PCDHGB5: variants seen among roughly 807,000 people sequenced by gnomAD.
PCDHGB5 encodes protocadherin gamma-B5.
Under a neutral mutation model 62.9 loss-of-function variants are expected in PCDHGB5, and 48 were observed. The observed-to-expected ratio is 0.76, with a 90% CI of 0.61 to 0.97. The LOEUF (loss-of-function observed/expected upper bound fraction) is 0.97. Ranked by LOEUF, PCDHGB5 falls within the 50% of genes least tolerant of loss-of-function variation. PCDHGB5 has a pLI of 0.00. For synonymous variants in PCDHGB5, 474 were observed against 511.2 expected, an observed-to-expected ratio of 0.93 and a Z score of 0.98; for missense variants, 1,118 against 1,198.6, an observed-to-expected ratio of 0.93 and a Z score of 0.99.
intron 1 of PCDHGB5, chr5:141,408,296 C>T (rs2154539952): frequency 1.2e-6 from 2 of 1,613,550 alleles, no homozygotes; most frequent in Non-Finnish European, 1.7e-6. Flanking sequence ...CCTGAGTGAG[C>T]CGATCCGCTA....
chr5:141,486,940 A>T lies in PCDHGB5; in HGVS notation c.2398-7867A>T. ...CTCCATCAGTTGGTGCTGGCCACCTAATCACAAAGGTGACTGCTGTGGACT... is the reference window on the plus strand; with the variant it reads ...CTCCATCAGTTGGTGCTGGCCACCTTATCACAAAGGTGACTGCTGTGGACT... On this transcript the variant is annotated intron_variant, in intron 1 of 3. Coordinates refer to ENST00000617380, the MANE Select transcript of PCDHGB5 (RefSeq NM_018925.3). This position sits in a 1 kb window ranked among gnomAD's most constrained non-coding sequence, Gnocchi z 5.0. 6.2e-7 allele frequency: 1 copy of T among 1,614,188 alleles called. No homozygotes were observed. Among genetic ancestry groups the T allele is most frequent in the Non-Finnish European group, 8.5e-7 (1 of 1,180,032 alleles).
Position 141,476,263 on chromosome 5 carries a change from C to G in PCDHGB5, c.2398-18544C>G. 13 of 1,613,940 alleles carry G rather than the reference C, an allele frequency of 8.1e-6. No individual in the cohort carries two copies. Among genetic ancestry groups the G allele is most frequent in the Non-Finnish European group, 1.1e-5 (13 of 1,180,010 alleles). On this transcript the variant is annotated intron_variant, in intron 1 of 3. Transcript: ENST00000617380. This position sits in a 1 kb window ranked among gnomAD's most constrained non-coding sequence, Gnocchi z 7.6. ...GAGAGAAGGGTTTCGCTGTGGGCAA[C>G]GTGGTCGCGAACCTTGGTTTGGATC...
chr5:141,441,692 G>A (rs1165171238), intron 1 of PCDHGB5: 2 of 301,376 alleles, frequency 6.6e-6, no homozygotes, highest in Non-Finnish European at 1.3e-5. Context: ...AAGAGCAGCC[G>A]CGAGCCTTCA....
At chr5:141,507,797 C>T (rs933921827) in intron 3 of PCDHGB5, among the ~76,000 whole-genome samples, 3 of 152,240 alleles carry the variant, frequency 2.0e-5, no homozygotes, top group Non-Finnish European at 2.9e-5. Flanking sequence ...TCTAAGCCTG[C>T]GCCCTGGGGA....
In PCDHGB5 at chr5:141,476,853, A is replaced by G; in HGVS notation, c.2398-17954A>G. ...AATGACAATGCGCCTGTCTTCAACCAGTCCTTGTACCGGGCGCGCGTCCTG... is the reference window on the plus strand; with the variant it reads ...AATGACAATGCGCCTGTCTTCAACCGGTCCTTGTACCGGGCGCGCGTCCTG... On this transcript the variant is annotated intron_variant, in intron 1 of 3. Coordinates refer to ENST00000617380, the MANE Select transcript of PCDHGB5 (RefSeq NM_018925.3). This position sits in a 1 kb window ranked among gnomAD's most constrained non-coding sequence, Gnocchi z 7.6. The G allele has an allele frequency of 6.2e-7, 1 of 1,613,870 alleles. No individual in the cohort carries two copies. Among genetic ancestry groups the G allele is most frequent in the Non-Finnish European group, 8.5e-7 (1 of 1,180,042 alleles).
intron 1 of PCDHGB5, among the ~76,000 whole-genome samples, chr5:141,443,780 A>G (rs1337883957): frequency 6.6e-6 from 1 of 152,202 alleles, no homozygotes; most frequent in Non-Finnish European, 1.5e-5. Flanking sequence ...TACCAAAAAG[A>G]CAAAAAAAAT....
intron 1 of PCDHGB5, chr5:141,423,023 C>G (rs1410040994): frequency 6.2e-7 from 1 of 1,614,222 alleles, no homozygotes; most frequent in Non-Finnish European, 8.5e-7. Context: ...GACAAAGATT[C>G]AGGCCAGAAC....
chr5:141,505,523 G>A, intron 3 of PCDHGB5, 42 bp downstream of exon 3: 1 of 1,612,760 alleles, frequency 6.2e-7, no homozygotes, highest in Middle Eastern at 1.7e-4. Flanking sequence ...GGGAGACCTG[G>A]GGTTCTGGGG....
In PCDHGB5 at chr5:141,511,131, C is replaced by T; in HGVS notation, c.2730C>T (p.Gly910=). ...GGGATGGCAAGGCCCCAGCAGGTGG[C>T]AATGGCAACAAGAAGAAGTCGGGCA... is the stretch of plus-strand genomic sequence containing the variant. ...GKRDGKAPAG[G]NGNKKKSGKK... is the part of the protein sequence containing the mutation. The change falls in exon 4 of 4, where the codon GGC becomes GGT. Residue 910 remains glycine (G), a synonymous_variant. Coordinates refer to ENST00000617380, the MANE Select transcript of PCDHGB5 (RefSeq NM_018925.3). 2 of 1,614,202 alleles carry T rather than the reference C, an allele frequency of 1.2e-6. No homozygotes were observed. Among genetic ancestry groups the T allele is most frequent in the Non-Finnish European group, 1.7e-6 (2 of 1,180,020 alleles).
chr5:141,432,117 C>T lies in PCDHGB5; in HGVS notation c.2397+31593C>T, dbSNP rs761106133. The T allele has an allele frequency of 3.9e-5, 63 of 1,614,062 alleles. No individual in the cohort carries two copies. Among genetic ancestry groups the T allele is most frequent in the Non-Finnish European group, 4.2e-5 (50 of 1,180,048 alleles). On this transcript the variant is annotated intron_variant, in intron 1 of 3. Transcript: ENST00000617380. The surrounding 1 kb of genome is among the most constrained non-coding windows in gnomAD (Gnocchi z 6.0). ...ACCAACGACAACCCGCCGGTCTTCC[C>T]TCAGGCCTCCTATTCCGCTTATATC...
Position 141,490,070 on chromosome 5 carries a change from T to C in PCDHGB5, c.2398-4737T>C, listed in dbSNP as rs2099695766. ...CCAGACGAGGGCACCAACGGCCAAC[T>C]AGACTATTCTTTTGGAGACCACACA... On this transcript the variant is annotated intron_variant, in intron 1 of 3. Transcript: ENST00000617380. The surrounding 1 kb of genome is among the most constrained non-coding windows in gnomAD (Gnocchi z 5.4). The C allele has an allele frequency of 6.2e-7, 1 of 1,614,198 alleles. No individual in the cohort carries two copies.
intron 1 of PCDHGB5, among the ~76,000 whole-genome samples, chr5:141,474,280 C>A (rs1490512371): frequency 6.6e-6 from 1 of 152,136 alleles, no homozygotes; most frequent in African/African-American, 2.4e-5. Context: ...CTCTGAATAA[C>A]CCACTAGATC....
At chr5:141,405,448 CT>C in intron 1 of PCDHGB5, 1 of 1,314,740 alleles carries the variant, frequency 7.6e-7, no homozygotes, top group Non-Finnish European at 1.1e-6. Flanking sequence ...GAGACAGAGT[CT>C]TACTCTGTTA....
chr5:141,409,945 T>C (rs777813706), intron 1 of PCDHGB5: 11 of 1,613,312 alleles, frequency 6.8e-6, no homozygotes, highest in Non-Finnish European at 9.3e-6. Flanking sequence ...TACCTCGCTC[T>C]GCAGAGCCCG....
At chr5:141,471,021 A>C (rs1399168691) in intron 1 of PCDHGB5, among the ~76,000 whole-genome samples, 1 of 136,940 alleles carries the variant, frequency 7.3e-6, no homozygotes, top group African/African-American at 2.7e-5. Flanking sequence ...CTGGTCAATC[A>C]TTTTTATTAA....
chr5:141,507,075 C>T (rs1006779614), intron 3 of PCDHGB5: 25 of 152,176 alleles, frequency 1.6e-4, no homozygotes, highest in Admixed American at 1.1e-3. Context: ...CCTGGCTCAA[C>T]TCCTAAGTTT....
chr5:141,432,049 G>T lies in PCDHGB5; in HGVS notation c.2397+31525G>T. The T allele has an allele frequency of 7.4e-6, 12 of 1,614,150 alleles. No individual in the cohort carries two copies. Among genetic ancestry groups the T allele is most frequent in the Non-Finnish European group, 1.0e-5 (12 of 1,180,028 alleles). Reference sequence around the variant, plus strand: ...TGACCGCCACTGACCGGGGAACCCCGCCCCTATCCACGGAAACTCATATCT... The same window carrying T: ...TGACCGCCACTGACCGGGGAACCCCTCCCCTATCCACGGAAACTCATATCT... On this transcript the variant is annotated intron_variant, in intron 1 of 3. Coordinates refer to ENST00000617380, the MANE Select transcript of PCDHGB5 (RefSeq NM_018925.3). The surrounding 1 kb of genome is among the most constrained non-coding windows in gnomAD (Gnocchi z 6.0).
In PCDHGB5 at chr5:141,489,362, C is replaced by T. The variant is rs1562129544; in HGVS notation, c.2398-5445C>T. 8 of 1,613,052 alleles carry T rather than the reference C, an allele frequency of 5.0e-6. No individual in the cohort carries two copies. Among genetic ancestry groups the T allele is most frequent in the South Asian group, 2.2e-5 (2 of 90,970 alleles). On this transcript the variant is annotated intron_variant, in intron 1 of 3. Coordinates refer to ENST00000617380, the MANE Select transcript of PCDHGB5 (RefSeq NM_018925.3). The surrounding 1 kb of genome is among the most constrained non-coding windows in gnomAD (Gnocchi z 4.5). ...TACTCAGTGGTGGAGGAGTCTGAGC[C>T]GGGGACGCTGGTGGGGAATGTTGCT...
chr5:141,453,288 A>ATTAT (rs577328880), intron 1 of PCDHGB5, among the ~76,000 whole-genome samples: 1,792 of 151,444 alleles, frequency 0.012, 41 homozygotes, highest in African/African-American at 0.034. Context: ...TAATTTTTTA[A>ATTAT]TTATTTATTT....
Sources: gnomAD v4.1 joint callset for allele counts (sites outside exome capture counted in the v4.1 genomes callset) on GRCh38, gnomAD v4.1.1 for gene constraint, Gnocchi (gnomAD v3.1) non-coding constraint, MANE v1.5 for transcripts, NCBI Gene and HGNC (gene_info 2026-07-23, HGNC 2026-07-21) for gene names.